The following ALDH3B1 variants were observed in gnomAD, a reference collection of about 807,000 sequenced individuals.
ALDH3B1 encodes aldehyde dehydrogenase family 3 member B1.
ALDH3B1 carries 37 observed loss-of-function variants against 46.2 expected under a neutral mutation model. The ratio of observed to expected loss-of-function variants is 0.80; its 90% CI spans 0.62 to 1.05. ALDH3B1 has a LOEUF of 1.05. Ranked by LOEUF, ALDH3B1 falls within the 50% of genes least tolerant of loss-of-function variation. ALDH3B1 has a pLI of 0.00. For synonymous variants in ALDH3B1, 283 were observed against 281.0 expected (o/e 1.01, Z -0.07); for missense variants, 603 against 665.5 (o/e 0.91, Z 1.03).
At chr11:68,019,004 G>T in intron 4 of ALDH3B1, 111 bp downstream of exon 4, 2 of 1,476,704 alleles carry the variant, frequency 1.4e-6, no homozygotes, top group Non-Finnish European at 1.8e-6. Flanking sequence ...AAAGAGGACT[G>T]TCTGGTCCAC....
At position 68,019,757 on chromosome 11, in the gene ALDH3B1, CA is replaced by C. The variant is rs777455902; in HGVS notation, c.524del (p.Gln175ArgfsTer3). The C allele has an allele frequency of 6.2e-6, 10 of 1,614,138 alleles. No homozygotes were observed. In the South Asian group the frequency reaches 1.1e-4, roughly 18 times the overall value. ...GCTGGGCGGGCCCCAGGAGACGGGG[CA>C]GCTGCTAGAGCACAGGTTCGACTAC... is the stretch of plus-strand genomic sequence containing the variant. Reference protein sequence around the residue: ...VVLGGPQETGQLLEHRFDYIF... With the variant: ...VVLGGPQETGXLLEHRFDYIF... On this transcript the variant is annotated frameshift_variant, in exon 6 of 10. Transcript: ENST00000342456. LOFTEE classifies it high-confidence loss of function.
rs1020085218 is a variant in ALDH3B1 at position 68,015,272 on chromosome 11, C to A, written c.-1-25C>A. 19 of 1,457,642 alleles carry A rather than the reference C, an allele frequency of 1.3e-5. 1 individual carries two copies. The highest frequency in any genetic ancestry group is 2.5e-4 in the Middle Eastern group (1 of 3,960). 90.3% of individuals were successfully genotyped at this position (1,457,642 alleles called of 1,614,324 possible). A position where few individuals can be genotyped will look rare whatever the true frequency, so the allele number is the denominator to read the frequency against. Reference sequence around the variant, plus strand: ...TGAAGGAGGGGCAGCCCTGGCCACCCAGTTCATGCCACCCCATCTGGCAGG... The same window carrying A: ...TGAAGGAGGGGCAGCCCTGGCCACCAAGTTCATGCCACCCCATCTGGCAGG... On this transcript the variant is annotated intron_variant, in intron 1 of 9. Coordinates refer to ENST00000342456, the MANE Select transcript of ALDH3B1 (RefSeq NM_000694.4).
Position 68,020,499 on chromosome 11 carries a change from T to C in ALDH3B1, c.562+703T>C. On this transcript the variant is annotated intron_variant, in intron 6 of 9. Transcript: ENST00000342456. ...GTCCTCCTGCCTTGGTCTCCTAAAGTGCAGGGATCACAGGCATGAGCCACC... is the reference window on the plus strand; with the variant it reads ...GTCCTCCTGCCTTGGTCTCCTAAAGCGCAGGGATCACAGGCATGAGCCACC... Among the ~76,000 whole-genome samples, 6 of 152,136 alleles carry C rather than the reference T, an allele frequency of 3.9e-5. No individual in the cohort carries two copies. In the South Asian group the frequency reaches 1.2e-3, roughly 32 times the overall value.
intron 2 of ALDH3B1, chr11:68,016,284 G>A (rs1264244922): frequency 6.6e-6 from 1 of 152,586 alleles, no homozygotes; most frequent in Non-Finnish European, 1.5e-5. Flanking sequence ...AGCGGGCACA[G>A]CACGTGCAAA....
chr11:68,024,120 G>A (rs1343090300), intron 8 of ALDH3B1: 2 of 152,182 alleles, frequency 1.3e-5, no homozygotes, highest in African/African-American at 4.8e-5. Context: ...TCAGCTTAAG[G>A]AGTGCTGGAC....
chr11:68,015,273 A>C lies in ALDH3B1; in HGVS notation c.-1-24A>C, dbSNP rs1409692405. On this transcript the variant is annotated intron_variant, in intron 1 of 9. Coordinates refer to ENST00000342456, the MANE Select transcript of ALDH3B1 (RefSeq NM_000694.4). Reference sequence around the variant, plus strand: ...GAAGGAGGGGCAGCCCTGGCCACCCAGTTCATGCCACCCCATCTGGCAGGA... The same window carrying C: ...GAAGGAGGGGCAGCCCTGGCCACCCCGTTCATGCCACCCCATCTGGCAGGA... 2.1e-6 allele frequency: 3 copies of C among 1,457,872 alleles called. No individual in the cohort carries two copies. The East Asian group carries it at 7.5e-5, about 36-fold the overall frequency. 90.3% of individuals were successfully genotyped at this position (1,457,872 alleles called of 1,614,324 possible).
intron 8 of ALDH3B1, among the ~76,000 whole-genome samples, chr11:68,023,397 G>A (rs943111699): frequency 6.6e-5 from 10 of 150,896 alleles, no homozygotes; most frequent in Admixed American, 2.0e-4. Flanking sequence ...TCTGCCTCCC[G>A]GGTTCAAGCG....
chr11:68,015,635 T>C, intron 2 of ALDH3B1, 176 bp downstream of exon 2: 1 of 844,330 alleles, frequency 1.2e-6, no homozygotes, highest in Middle Eastern at 2.2e-4. Context: ...TCTGTATTCA[T>C]GCAGCAACTA....
Position 68,015,530 on chromosome 11 carries a change from G to A in ALDH3B1, c.162+71G>A, listed in dbSNP as rs539459806. On this transcript the variant is annotated intron_variant, in intron 2 of 9. Coordinates refer to ENST00000342456, the MANE Select transcript of ALDH3B1 (RefSeq NM_000694.4). Reference sequence around the variant, plus strand: ...GCATGGAGGGCAGCTGGGACAGCAGGGGATGAAGACACCTGCGCCCTCCAT... The same window carrying A: ...GCATGGAGGGCAGCTGGGACAGCAGAGGATGAAGACACCTGCGCCCTCCAT... 6.9e-5 allele frequency: 106 copies of A among 1,546,610 alleles called. No homozygotes were observed. In the Admixed American group the frequency reaches 1.9e-3, roughly 28 times the overall value.
intron 1 of ALDH3B1, among the ~76,000 whole-genome samples, chr11:68,012,240 G>A (rs1857247148): frequency 6.6e-6 from 1 of 152,150 alleles, no homozygotes; most frequent in Admixed American, 6.5e-5. Flanking sequence ...CACTCCCTGT[G>A]ATATGTCAGC....
chr11:68,021,050 T>C (rs1857480149), intron 6 of ALDH3B1, among the ~76,000 whole-genome samples: 1 of 152,060 alleles, frequency 6.6e-6, no homozygotes, highest in African/African-American at 2.4e-5. Context: ...AGGTTTAGGT[T>C]TAGAGAAGAG....
At chr11:68,027,657 C>A in intron 9 of ALDH3B1, 92 bp from the exon 10 acceptor site, 1 of 1,316,812 alleles carries the variant, frequency 7.6e-7, no homozygotes, top group Non-Finnish European at 1.0e-6. Flanking sequence ...GAAACTGAGG[C>A]TCAGAGGGGA....
chr11:68,015,260 G>T, intron 1 of ALDH3B1, 37 bp from the exon 2 acceptor site: 2 of 1,454,040 alleles, frequency 1.4e-6, no homozygotes, highest in Non-Finnish European at 1.8e-6. Context: ...AGGAGGGGCA[G>T]CCCTGGCCAC....
chr11:68,019,022 G>C (rs780728791), intron 4 of ALDH3B1, 129 bp downstream of exon 4: 9 of 1,463,054 alleles, frequency 6.2e-6, no homozygotes, highest in Non-Finnish European at 8.2e-6. Flanking sequence ...CACCGTCCCC[G>C]GGCTGTGTGG....
Position 68,028,182 on chromosome 11 carries a change from C to T in ALDH3B1, c.*243C>T. ...CATGGGAAACAGTGCAGTGACTCACCCCCTGCCCCCGCACCAACCACCCAT... is the reference window on the plus strand; with the variant it reads ...CATGGGAAACAGTGCAGTGACTCACTCCCTGCCCCCGCACCAACCACCCAT... On this transcript the variant is annotated 3_prime_UTR_variant, in exon 10 of 10. Transcript: ENST00000342456. 1.4e-6 allele frequency: 1 copy of T among 698,318 alleles called. No individual in the cohort carries two copies. The highest frequency in any genetic ancestry group is 2.6e-6 in the Non-Finnish European group (1 of 383,238). 43.3% of individuals were successfully genotyped at this position (698,318 alleles called of 1,614,324 possible).
At position 68,025,838 on chromosome 11, in the gene ALDH3B1, C is replaced by T. The variant is rs553822503; in HGVS notation, c.1117-171C>T. On this transcript the variant is annotated intron_variant, in intron 8 of 9. Transcript: ENST00000342456. Reference sequence around the variant, plus strand: ...TTGGAAGCTTCATGAGGAGCTGCTACACAACCCCCTGCCCCACCTGTACCA... The same window carrying T: ...TTGGAAGCTTCATGAGGAGCTGCTATACAACCCCCTGCCCCACCTGTACCA... Among the ~76,000 whole-genome samples, 6 of 152,334 alleles carry T rather than the reference C, an allele frequency of 3.9e-5. No individual in the cohort carries two copies. In the East Asian group the frequency reaches 1.2e-3, roughly 29 times the overall value.
chr11:68,020,616 G>A (rs915604835), intron 6 of ALDH3B1, among the ~76,000 whole-genome samples: 20 of 152,172 alleles, frequency 1.3e-4, no homozygotes, highest in South Asian at 2.1e-4. Context: ...CTTACAGGTC[G>A]AGGCAGTCGT....
At chr11:68,026,433 C>G (rs929752448) in intron 9 of ALDH3B1, among the ~76,000 whole-genome samples, 10 of 152,310 alleles carry the variant, frequency 6.6e-5, no homozygotes, top group Admixed American at 5.9e-4. Flanking sequence ...CTCTTCTCCC[C>G]AACAGCATGA....
At chr11:68,027,689 ACTGT>A (rs1857661915) in intron 9 of ALDH3B1, 56 bp from the exon 10 acceptor site, 15 of 1,509,740 alleles carry the variant, frequency 9.9e-6, no homozygotes, top group Admixed American at 2.0e-5. Context: ...CCTAGGCCCC[ACTGT>A]CTGTGACTAG....
Sources: allele counts gnomAD v4.1 joint callset (sites outside exome capture counted in the v4.1 genomes callset), GRCh38; gene constraint gnomAD v4.1.1; transcripts MANE v1.5; gene names NCBI Gene and HGNC (gene_info 2026-07-23, HGNC 2026-07-21).